The following FLT3 variants were observed in gnomAD, a reference collection of about 807,000 sequenced individuals.
The protein encoded by FLT3 is receptor-type tyrosine-protein kinase FLT3.
A neutral mutation model predicts 126.6 loss-of-function variants in FLT3; 46 were observed. The observed-to-expected ratio is 0.36, with a 90% CI of 0.29 to 0.46. The LOEUF is 0.46. Among genes scored for constraint, FLT3 ranks in the 20% least tolerant of loss-of-function variants. The probability of loss-of-function intolerance (pLI) is 1.00; values close to 1 mark genes in which losing one functional copy is unlikely to be tolerated. For missense variants in FLT3, 1,069 were observed against 1,190.3 expected (o/e 0.90, Z 1.50); for synonymous variants, 404 against 434.4 (o/e 0.93, Z 0.87).
rs113698507 is a variant in FLT3 at position 28,049,966 on chromosome 13, A to G, written c.742+129T>C. The stretch of plus-strand genomic sequence containing the variant: ...GCATTTACAGAATCCATAATATTGC[A>G]TTTACTGTGACCTGAAGGAATGATA... On this transcript the variant is annotated intron_variant, in intron 6 of 23. Transcript: ENST00000241453. 178 of 1,205,032 alleles carry G rather than the reference A, an allele frequency of 1.5e-4. No homozygotes were observed. The African/African-American group carries it at 2.3e-3, about 16-fold the overall frequency. The allele number at this position is 1,205,032 out of a possible 1,614,324, so 74.6% of individuals were successfully genotyped here. A position where few individuals can be genotyped will look rare whatever the true frequency, so the allele number is the denominator to read the frequency against.
chr13:28,014,942 T>C (rs566864581), intron 22 of FLT3, among the ~76,000 whole-genome samples: 1 of 152,228 alleles, frequency 6.6e-6, no homozygotes, highest in African/African-American at 2.4e-5. Context: ...ACACCTGTAA[T>C]CCCAGCACTT....
chr13:28,037,574 TG>T (rs758488253), intron 9 of FLT3, among the ~76,000 whole-genome samples: 12 of 152,166 alleles, frequency 7.9e-5, no homozygotes, highest in Non-Finnish European at 1.8e-4. Flanking sequence ...ATGATCACCA[TG>T]TGAGTCATAT....
chr13:28,047,276 C>T (rs1013922191), intron 9 of FLT3, among the ~76,000 whole-genome samples: 11 of 152,238 alleles, frequency 7.2e-5, no homozygotes, highest in Admixed American at 6.5e-4. Context: ...ATAACATGTG[C>T]GTCTCAGTGT....
At chr13:28,091,202 A>ATTTT (rs1216841402) in intron 1 of FLT3, among the ~76,000 whole-genome samples, 18 of 34,118 alleles carry the variant, frequency 5.3e-4, no homozygotes, top group South Asian at 1.4e-3. Context: ...TTTGGGCCCC[A>ATTTT]TTTTCTTTTT....
intron 9 of FLT3, among the ~76,000 whole-genome samples, chr13:28,044,145 CA>C (rs1053721716): frequency 1.5e-4 from 21 of 139,718 alleles, no homozygotes; most frequent in Admixed American, 2.9e-4. Context: ...GACTCCGTCT[CA>C]AAAAAAAAAG....
intron 18 of FLT3, among the ~76,000 whole-genome samples, 177 bp from the exon 19 acceptor site, chr13:28,023,654 G>A (rs903421924): frequency 2.6e-5 from 4 of 152,160 alleles, no homozygotes; most frequent in Non-Finnish European, 5.9e-5. Context: ...AAGGGTCACT[G>A]GAGACTTGTT....
intron 16 of FLT3, among the ~76,000 whole-genome samples, 178 bp downstream of exon 16, chr13:28,028,000 T>G (rs1872962638): frequency 6.6e-6 from 1 of 152,226 alleles, no homozygotes; most frequent in African/African-American, 2.4e-5. Flanking sequence ...TTCTTTATTT[T>G]GACCCCTCTG....
At chr13:28,072,269 A>T (rs1399644526) in intron 1 of FLT3, among the ~76,000 whole-genome samples, 2 of 151,936 alleles carry the variant, frequency 1.3e-5, no homozygotes. Flanking sequence ...ACACATATAC[A>T]TACACACATT....
chr13:28,049,997 T>C, intron 6 of FLT3, 98 bp downstream of exon 6: 1 of 1,354,468 alleles, frequency 7.4e-7, no homozygotes, highest in Non-Finnish European at 1.0e-6. Context: ...TGATAGGATT[T>C]CTGAAGTTGA....
chr13:28,090,162 T>A (rs983940513), intron 1 of FLT3, among the ~76,000 whole-genome samples: 11 of 151,836 alleles, frequency 7.2e-5, no homozygotes, highest in African/African-American at 2.7e-4. Context: ...TGCCTCAGCC[T>A]CCCGAGTAGC....
chr13:28,020,261 T>C (rs1872267255), intron 19 of FLT3, among the ~76,000 whole-genome samples: 1 of 152,212 alleles, frequency 6.6e-6, no homozygotes, highest in South Asian at 2.1e-4. Flanking sequence ...CCAGGTCTGC[T>C]GTGCAGATCC....
chr13:28,015,121 T>C (rs1269478354), intron 22 of FLT3, 36 bp downstream of exon 22: 2 of 1,338,354 alleles, frequency 1.5e-6, no homozygotes, highest in Non-Finnish European at 2.1e-6. Context: ...TGTACCTTTC[T>C]GATTTCAACC....
At chr13:28,031,847 A>G (rs1046141588) in intron 15 of FLT3, among the ~76,000 whole-genome samples, 1 of 152,200 alleles carries the variant, frequency 6.6e-6, no homozygotes, top group Admixed American at 6.5e-5. Flanking sequence ...AATGTGAAGT[A>G]GGAAAGCCAT....
At chr13:28,080,935 A>T (rs568036606) in intron 1 of FLT3, among the ~76,000 whole-genome samples, 2 of 152,128 alleles carry the variant, frequency 1.3e-5, no homozygotes, top group African/African-American at 4.8e-5. Flanking sequence ...AAATAAATTG[A>T]CCATATATTT....
At chr13:28,091,221 T>TC (rs1879022015) in intron 1 of FLT3, among the ~76,000 whole-genome samples, 4 of 113,130 alleles carry the variant, frequency 3.5e-5, no homozygotes, top group African/African-American at 1.5e-4. Context: ...TTTTTTTTTT[T>TC]TTTTTTTTTT....
chr13:28,025,306 T>C, intron 17 of FLT3: 1 of 413,366 alleles, frequency 2.4e-6, no homozygotes, highest in South Asian at 1.9e-5. Flanking sequence ...CTTTGGTTTC[T>C]GAACTCAGCC....
At chr13:28,067,956 G>GA (rs1877178410) in intron 2 of FLT3, 1 of 336,046 alleles carries the variant, frequency 3.0e-6, no homozygotes, top group African/African-American at 2.2e-5. Flanking sequence ...AAACACATTT[G>GA]GTCAACTCCA....
intron 1 of FLT3, among the ~76,000 whole-genome samples, chr13:28,086,482 T>C (rs906895322): frequency 1.3e-5 from 2 of 152,180 alleles, no homozygotes; most frequent in African/African-American, 2.4e-5. Flanking sequence ...AAACAGTGAA[T>C]TGTCTTTTAA....
intron 9 of FLT3, among the ~76,000 whole-genome samples, chr13:28,043,793 C>G (rs1284550866): frequency 6.6e-6 from 1 of 151,854 alleles, no homozygotes; most frequent in Non-Finnish European, 1.5e-5. Flanking sequence ...CCAACCTGGG[C>G]AATATAGCAA....
Sources: allele counts gnomAD v4.1 joint callset (sites outside exome capture counted in the v4.1 genomes callset), GRCh38; gene constraint gnomAD v4.1.1; transcripts MANE v1.5; gene names NCBI Gene and HGNC (gene_info 2026-07-23, HGNC 2026-07-21).